TBK1: variants seen among roughly 807,000 people sequenced by gnomAD.
The protein encoded by TBK1 is TANK binding kinase 1.
A neutral mutation model predicts 99.9 loss-of-function variants in TBK1; 37 were observed. The ratio of observed to expected loss-of-function variants is 0.37; its 90% CI spans 0.28 to 0.49. The LOEUF (loss-of-function observed/expected upper bound fraction) is 0.49, where lower values mean the gene tolerates loss of function less well. Among genes scored for constraint, TBK1 ranks in the 20% least tolerant of loss-of-function variants. The pLI is 0.98. For synonymous variants in TBK1, 258 were observed against 279.8 expected (o/e 0.92, Z 0.78); for missense variants, 644 against 872.5 (o/e 0.74, Z 3.30).
intron 5 of TBK1, among the ~76,000 whole-genome samples, chr12:64,473,953 A>C (rs912542453): frequency 2.6e-5 from 4 of 152,202 alleles, no homozygotes; most frequent in African/African-American, 9.6e-5. Flanking sequence ...ACACAGATTC[A>C]GGTAGGTTGT....
chr12:64,501,025 C>T (rs1156439603), intron 20 of TBK1, among the ~76,000 whole-genome samples: 1 of 152,138 alleles, frequency 6.6e-6, no homozygotes, highest in African/African-American at 2.4e-5. Context: ...TCCCAAAGTG[C>T]TGGGATTACA....
chr12:64,452,613 G>A lies in TBK1; in HGVS notation c.-32+426G>A, dbSNP rs1418277340. ...GCTGTTTTCTACCCTCTTTCCGAGC[G>A]TCGACACAACGGGCAGTTTTTAAAT... On this transcript the variant is annotated intron_variant, in intron 1 of 20. Coordinates refer to ENST00000331710, the MANE Select transcript of TBK1 (RefSeq NM_013254.4). The A allele has an allele frequency of 3.3e-5, 5 of 152,316 alleles. No individual in the cohort carries two copies. In the East Asian group the frequency reaches 7.7e-4, roughly 24 times the overall value. The allele number at this position is 152,316 out of a possible 1,614,324, so 9.4% of individuals were successfully genotyped here. A position where few individuals can be genotyped will look rare whatever the true frequency, so the allele number is the denominator to read the frequency against.
chr12:64,495,541 C>G lies in TBK1; in HGVS notation c.1580C>G (p.Ser527Cys), dbSNP rs922333386. Residue 527 changes from serine to cysteine, a missense_variant, in exon 14 of 21, where the codon TCT becomes TGT. Around this residue, in one of 3 missense-constraint regions of TBK1, gnomAD observed 465 missense variants for 588.0 expected, o/e 0.79. Transcript: ENST00000331710. ...TSLQDIDSRL[S>C]PGGSLADAWA... ...CTTCAGGATATCGACAGCAGATTAT[C>G]TCCAGGTGGATCACTGGCAGACGCA... 30 of 1,613,990 alleles carry G rather than the reference C, an allele frequency of 1.9e-5. No homozygotes were observed. The highest frequency in any genetic ancestry group is 2.5e-5 in the Non-Finnish European group (30 of 1,179,978).
intron 3 of TBK1, 50 bp from the exon 4 acceptor site, chr12:64,464,284 T>C: frequency 6.7e-7 from 1 of 1,486,050 alleles, no homozygotes. Flanking sequence ...TGGCATATAA[T>C]CAAAATTTAT....
In TBK1 at chr12:64,460,201, T is replaced by C; in HGVS notation, c.100T>C (p.Leu34=). 1 of 1,505,978 alleles carries C rather than the reference T, an allele frequency of 6.6e-7. No individual in the cohort carries two copies. The highest frequency in any genetic ancestry group is 2.2e-5 in the Admixed American group (1 of 45,944). The allele number at this position is 1,505,978 out of a possible 1,614,324, so 93.3% of individuals were successfully genotyped here. ...FRGRHKKTGD[L]FAIKVFNNIS... ...CTCTTTTTTAAAGAAAACTGGTGAT[T>C]TATTTGCTATCAAAGTATTTAATAA... Residue 34 remains leucine, a synonymous_variant, in exon 3 of 21, where the codon TTA becomes CTA. Coordinates refer to ENST00000331710, the MANE Select transcript of TBK1 (RefSeq NM_013254.4).
chr12:64,482,331 G>A (rs1278457659), intron 8 of TBK1, among the ~76,000 whole-genome samples: 1 of 152,044 alleles, frequency 6.6e-6, no homozygotes, highest in African/African-American at 2.4e-5. Flanking sequence ...CAATAAACCA[G>A]CCAGGTTTTG....
intron 2 of TBK1, among the ~76,000 whole-genome samples, 171 bp downstream of exon 2, chr12:64,456,128 A>G (rs2040484993): frequency 6.6e-6 from 1 of 152,228 alleles, no homozygotes; most frequent in Non-Finnish European, 1.5e-5. Flanking sequence ...CAGTGAACAT[A>G]TCTACCCAGT....
intron 1 of TBK1, among the ~76,000 whole-genome samples, chr12:64,454,517 G>C (rs941133348): frequency 2.0e-5 from 3 of 152,100 alleles, no homozygotes; most frequent in African/African-American, 2.4e-5. Context: ...AGAGTGCTGG[G>C]ATTACAGGCA....
intron 4 of TBK1, among the ~76,000 whole-genome samples, chr12:64,466,410 C>A (rs891717775): frequency 1.1e-4 from 16 of 152,074 alleles, no homozygotes; most frequent in Admixed American, 9.2e-4. Flanking sequence ...TACATTTTTA[C>A]AGAAACAAGT....
chr12:64,455,089 T>G (rs2040472672), intron 1 of TBK1, among the ~76,000 whole-genome samples: 1 of 147,828 alleles, frequency 6.8e-6, no homozygotes, highest in Admixed American at 6.7e-5. Flanking sequence ...CGGGTTGAAG[T>G]TATTCTCCTG....
chr12:64,482,030 C>T lies in TBK1; in HGVS notation c.992+9C>T. The T allele has an allele frequency of 6.7e-7, 1 of 1,486,558 alleles. No individual in the cohort carries two copies. The highest frequency in any genetic ancestry group is 1.4e-5 in the South Asian group (1 of 73,630). 92.1% of individuals were successfully genotyped at this position (1,486,558 alleles called of 1,614,324 possible). A position where few individuals can be genotyped will look rare whatever the true frequency, so the allele number is the denominator to read the frequency against. On this transcript the variant is annotated intron_variant, in intron 8 of 20. Coordinates refer to ENST00000331710, the MANE Select transcript of TBK1 (RefSeq NM_013254.4). ...ATTCATAGCTATAATACGTAAGTAT[C>T]TCTATTTTCTTCTTGTATCAACATG... is the stretch of plus-strand genomic sequence containing the variant.
At chr12:64,456,333 T>A (rs2040487037) in intron 2 of TBK1, among the ~76,000 whole-genome samples, 1 of 152,256 alleles carries the variant, frequency 6.6e-6, no homozygotes, top group South Asian at 2.1e-4. Context: ...GGGAGGCAGA[T>A]GTGTATTGGG....
rs754605507 is a variant in TBK1 at position 64,488,539 on chromosome 12, G to T, written c.1393G>T (p.Val465Leu). The change falls in exon 12 of 21, where the codon GTG becomes TTG. Residue 465 changes from valine (V) to leucine (L), a missense_variant. Val to Leu is a conservative substitution (Grantham distance 32). Transcript: ENST00000331710. ...NETVHKKTEV[V>L]ITLDFCIRNI... ...AACTGTTCACAAAAAGACAGAAGTT[G>T]TGATCACATTGGATTTCTGTATCAG... 6.9e-6 allele frequency: 11 copies of T among 1,605,364 alleles called. No individual in the cohort carries two copies. In the South Asian group the frequency reaches 1.2e-4, roughly 18 times the overall value.
At chr12:64,452,827 T>C (rs1592348379) in intron 1 of TBK1, 6 of 152,356 alleles carry the variant, frequency 3.9e-5, no homozygotes, top group Admixed American at 1.3e-4. Context: ...TTGTAATCTC[T>C]ATCCCAAGTA....
At chr12:64,483,419 C>T (rs553803961) in intron 8 of TBK1, among the ~76,000 whole-genome samples, 3 of 152,252 alleles carry the variant, frequency 2.0e-5, no homozygotes, top group South Asian at 4.1e-4. Context: ...GTCTTTTCCC[C>T]CGAAGCATCA....
intron 8 of TBK1, chr12:64,484,010 TACACACACAC>T (rs71092971): frequency 0.01 from 1,570 of 155,118 alleles, 7 homozygotes; most frequent in East Asian, 0.023. Flanking sequence ...CTGTCTCACA[TACACACACAC>T]ACACACACAC....
At chr12:64,493,173 C>T (rs956628735) in intron 13 of TBK1, among the ~76,000 whole-genome samples, 3 of 151,996 alleles carry the variant, frequency 2.0e-5, no homozygotes, top group African/African-American at 7.2e-5. Flanking sequence ...GGATTACAGG[C>T]GTGAGCCACT....
intron 1 of TBK1, among the ~76,000 whole-genome samples, chr12:64,455,161 T>C (rs1289393733): frequency 6.6e-6 from 1 of 151,660 alleles, no homozygotes. Flanking sequence ...AATTTTTGTA[T>C]TTTTTGTGGA....
In TBK1 at chr12:64,485,763, A is replaced by G. The variant is rs889273922; in HGVS notation, c.1249-163A>G. 5.8e-5 allele frequency: 26 copies of G among 448,898 alleles called. 1 individual carries two copies. In the East Asian group the frequency reaches 8.4e-4, roughly 15 times the overall value. The allele number at this position is 448,898 out of a possible 1,614,324, so 27.8% of individuals were successfully genotyped here. A position where few individuals can be genotyped will look rare whatever the true frequency, so the allele number is the denominator to read the frequency against. On this transcript the variant is annotated intron_variant, in intron 10 of 20. Coordinates refer to ENST00000331710, the MANE Select transcript of TBK1 (RefSeq NM_013254.4). ...GTTTAGATAATGTTAAGGATAACAT[A>G]TTTATTATATTTATATCTATTTTTA...
Sources: allele counts gnomAD v4.1 joint callset (sites outside exome capture counted in the v4.1 genomes callset), GRCh38; gene constraint gnomAD v4.1.1; regional missense constraint gnomAD v4.1.1; transcripts MANE v1.5; gene names NCBI Gene and HGNC (gene_info 2026-07-23, HGNC 2026-07-21).